COL2A1: variants seen among roughly 807,000 people sequenced by gnomAD.
COL2A1 encodes collagen alpha-1(II) chain.
In COL2A1, 28 loss-of-function variants were observed where a neutral mutation model predicts 204.5. The ratio of observed to expected loss-of-function variants is 0.14; its 90% CI spans 0.10 to 0.19. The LOEUF (loss-of-function observed/expected upper bound fraction) is 0.19, where lower values mean the gene tolerates loss of function less well. Ranked by LOEUF, COL2A1 falls within the 10% of genes least tolerant of loss-of-function variation. The pLI, the probability that COL2A1 is intolerant of heterozygous loss-of-function variation, is 1.00. For missense variants in COL2A1, 1,388 were observed against 2,027.5 expected, an observed-to-expected ratio of 0.68 and a Z score of 6.06; for synonymous variants, 708 against 718.7, an observed-to-expected ratio of 0.99 and a Z score of 0.24.
At position 47,993,599 on chromosome 12, in the gene COL2A1, C is replaced by G. The variant is rs1033878993; in HGVS notation, c.925-97G>C. ...GCCAAAAGCCCTGGTCATCTCAGCT[C>G]GCACTGACACAAACTTCAGTCCTGT... On this transcript the variant is annotated intron_variant, in intron 14 of 53. Transcript: ENST00000380518. 6 of 1,202,172 alleles carry G rather than the reference C, an allele frequency of 5.0e-6. No homozygotes were observed. In the African/African-American group the frequency reaches 6.0e-5, roughly 12 times the overall value. The allele number at this position is 1,202,172 out of a possible 1,614,324, so 74.5% of individuals were successfully genotyped here.
At position 47,983,398 on chromosome 12, in the gene COL2A1, T is replaced by A; in HGVS notation, c.2036A>T (p.Lys679Ile). 6.2e-7 allele frequency: 1 copy of A among 1,614,130 alleles called. No homozygotes were observed. Among genetic ancestry groups the A allele is most frequent in the Non-Finnish European group, 8.5e-7 (1 of 1,179,984 alleles). ...CCCCATACTCACCTGGTCACCTGGTTTTCCACCTTCACCTGGGGGACCAGG... is the reference window on the plus strand; with the variant it reads ...CCCCATACTCACCTGGTCACCTGGTATTCCACCTTCACCTGGGGGACCAGG... Reference protein sequence around the residue: ...GPPGPPGEGGKPGDQGVPGEA... With the variant: ...GPPGPPGEGGIPGDQGVPGEA... The change falls in exon 31 of 54, where the codon AAA (lysine) becomes ATA (isoleucine). Residue 679 changes from lysine (K) to isoleucine (I), a missense_variant. By Grantham distance (102) the Lys-to-Ile change is moderately radical (BLOSUM62 -3). This residue lies in a region of COL2A1 where 884 missense variants were observed against 1,415.8 expected (regional missense o/e 0.62). Coordinates refer to ENST00000380518, the MANE Select transcript of COL2A1 (RefSeq NM_001844.5).
intron 16 of COL2A1, among the ~76,000 whole-genome samples, chr12:47,992,335 G>A (rs545294412): frequency 2.0e-5 from 3 of 152,176 alleles, no homozygotes; most frequent in Non-Finnish European, 4.4e-5. Flanking sequence ...GTAAAATGGG[G>A]AGAAGAATAG....
In COL2A1 at chr12:47,979,669, C is replaced by T. The variant is rs73297165; in HGVS notation, c.2680-105G>A. 3.4e-3 allele frequency: 3,145 copies of T among 918,050 alleles called. 79 individuals are homozygous for T. In the African/African-American group the frequency reaches 0.046, roughly 13 times the overall value. 56.9% of individuals were successfully genotyped at this position (918,050 alleles called of 1,614,324 possible). On this transcript the variant is annotated intron_variant, in intron 40 of 53. Transcript: ENST00000380518. The stretch of plus-strand genomic sequence containing the variant: ...GTCTCAGAGCCTGGTATGGAAAGGG[C>T]GAGGGACTGCAAAGCAGCAAGGGGG...
At chr12:47,985,237 A>G in intron 26 of COL2A1, 144 bp from the exon 27 acceptor site, 4 of 745,186 alleles carry the variant, frequency 5.4e-6, no homozygotes, top group Non-Finnish European at 9.4e-6. Flanking sequence ...CATCACACCC[A>G]TGGGCCCATC....
chr12:47,994,529 G>C, intron 11 of COL2A1, 52 bp from the exon 12 acceptor site: 1 of 1,601,052 alleles, frequency 6.2e-7, no homozygotes, highest in South Asian at 1.1e-5. Flanking sequence ...CAGTAGCATA[G>C]TGGGGGCACC....
rs1485803764 is a variant in COL2A1 at position 47,983,153 on chromosome 12, A to T, written c.2050-16T>A. 1 of 1,612,728 alleles carries T rather than the reference A, an allele frequency of 6.2e-7. No homozygotes were observed. The highest frequency in any genetic ancestry group is 1.1e-5 in the South Asian group (1 of 90,750). On this transcript the variant is annotated splice_polypyrimidine_tract_variant and intron_variant, in intron 31 of 53. Transcript: ENST00000380518. Reference sequence around the variant, plus strand: ...CGGGAACACCCTGGAGAACAAAGAAAGATGTGTGAGAGTGAAGGCTTCATA... The same window carrying T: ...CGGGAACACCCTGGAGAACAAAGAATGATGTGTGAGAGTGAAGGCTTCATA...
chr12:47,973,327 A>G lies in COL2A1; in HGVS notation c.*80T>C. 6.3e-7 allele frequency: 1 copy of G among 1,584,914 alleles called. No individual in the cohort carries two copies. The highest frequency in any genetic ancestry group is 1.1e-5 in the South Asian group (1 of 90,512). On this transcript the variant is annotated 3_prime_UTR_variant, in exon 54 of 54. Coordinates refer to ENST00000380518, the MANE Select transcript of COL2A1 (RefSeq NM_001844.5). ...AGGTCAGGTCAGCCATTCAGTGCAG[A>G]GTCCTAGAGTGACTGAGATTGGAAA...
At chr12:47,990,366 C>T (rs1403221348) in intron 16 of COL2A1, among the ~76,000 whole-genome samples, 1 of 152,132 alleles carries the variant, frequency 6.6e-6, no homozygotes, top group Non-Finnish European at 1.5e-5. Flanking sequence ...CAGTTCAGAC[C>T]CCAAATATCC....
At chr12:47,996,287 T>C (rs1334137928) in intron 8 of COL2A1, among the ~76,000 whole-genome samples, 1 of 152,204 alleles carries the variant, frequency 6.6e-6, no homozygotes, top group Non-Finnish European at 1.5e-5. Context: ...CCAAGAGCAA[T>C]AGCAACTGGT....
chr12:47,999,383 A>G (rs1040154179), intron 2 of COL2A1, among the ~76,000 whole-genome samples: 1 of 152,152 alleles, frequency 6.6e-6, no homozygotes, highest in East Asian at 1.9e-4. Flanking sequence ...TTAATGGTCA[A>G]CTCCAAGAGA....
intron 16 of COL2A1, among the ~76,000 whole-genome samples, chr12:47,990,232 A>T (rs1592224993): frequency 6.6e-6 from 1 of 151,600 alleles, no homozygotes; most frequent in African/African-American, 2.4e-5. Context: ...CTGGTCTGGA[A>T]CTCCTGACCT....
chr12:47,989,784 G>C lies in COL2A1; in HGVS notation c.1045C>G (p.Gln349Glu), dbSNP rs779942376. ...ACCGGAGGCCCTGCGGGGCCTGGCT[G>C]ACCATCGTTGCCTCGGGCACCCTGT... Reference protein sequence around the residue: ...GAAGARGNDGQPGPAGPPGPV... With the variant: ...GAAGARGNDGEPGPAGPPGPV... The change falls in exon 17 of 54, where the codon CAG becomes GAG. Residue 349 changes from glutamine to glutamate, a missense_variant. Gln to Glu is a conservative substitution (Grantham distance 29). This residue lies in a region of COL2A1 where 884 missense variants were observed against 1,415.8 expected (regional missense o/e 0.62). Transcript: ENST00000380518. 2 of 1,613,492 alleles carry C rather than the reference G, an allele frequency of 1.2e-6. No homozygotes were observed. Among genetic ancestry groups the C allele is most frequent in the South Asian group, 2.2e-5 (2 of 91,074 alleles).
intron 41 of COL2A1, 36 bp downstream of exon 41, chr12:47,979,475 C>A (rs778490334): frequency 3.1e-6 from 5 of 1,611,620 alleles, no homozygotes; most frequent in Non-Finnish European, 4.2e-6. Flanking sequence ...CTATTCCATG[C>A]CTGCCTGTGC....
chr12:47,985,088 G>A lies in COL2A1; in HGVS notation c.1740C>T (p.Ala580=). The A allele has an allele frequency of 1.2e-6, 2 of 1,612,764 alleles. No individual in the cohort carries two copies. Among genetic ancestry groups the A allele is most frequent in the South Asian group, 1.1e-5 (1 of 90,916 alleles). Residue 580 remains alanine, a synonymous_variant, in exon 27 of 54, where the codon GCC becomes GCT. Transcript: ENST00000380518. The part of the protein sequence containing the change: ...GPQGKVGPSG[A]PGEDGRPGPP... ...GTCCAGGACGACCATCTTCACCAGG[G>A]GCTCCCTGAAAGACAGAACACCATT...
intron 30 of COL2A1, 112 bp downstream of exon 30, chr12:47,983,571 T>G: frequency 6.9e-7 from 1 of 1,446,500 alleles, no homozygotes; most frequent in East Asian, 2.4e-5. Flanking sequence ...GAAGGCTCGA[T>G]GCCTGGCACC....
chr12:47,988,386 C>T (rs1157603475), intron 18 of COL2A1: 1 of 155,892 alleles, frequency 6.4e-6, no homozygotes, highest in Non-Finnish European at 1.4e-5. Context: ...AAAATTACAA[C>T]CCACTCTAGA....
At chr12:47,984,457 G>A (rs1011601688) in intron 28 of COL2A1, 89 bp downstream of exon 28, 51 of 1,383,856 alleles carry the variant, frequency 3.7e-5, no homozygotes, top group Middle Eastern at 3.5e-4. Context: ...GAGGGGTCCC[G>A]GGACCATGCC....
Position 47,980,898 on chromosome 12 carries a change from T to C in COL2A1, c.2517+17A>G, listed in dbSNP as rs1469233337. On this transcript the variant is annotated intron_variant, in intron 38 of 53. Transcript: ENST00000380518. The surrounding 1 kb of genome is among the most constrained non-coding windows in gnomAD (Gnocchi z 4.5). ...GCCTGAGTGGAGGGACCCAGGAGGA[T>C]GGACAGAGATACTCACAGGAGGCCC... 2 of 1,552,158 alleles carry C rather than the reference T, an allele frequency of 1.3e-6. No individual in the cohort carries two copies. The highest frequency in any genetic ancestry group is 2.4e-5 in the East Asian group (1 of 40,926).
chr12:47,994,469 A>G lies in COL2A1; in HGVS notation c.771T>C (p.Ala257=). ...TTTCACCAGCTTTTCCAGGTTTTCC[A>G]GCTTCACCCTGAAGGGAGAGAGAGA... is the stretch of plus-strand genomic sequence containing the variant. ...PPGKPGDDGE[A]GKPGKAGERG... is the part of the protein sequence containing the mutation. The change falls in exon 12 of 54, where the codon GCT becomes GCC. Residue 257 remains alanine (A), a synonymous_variant. Transcript: ENST00000380518. The G allele has an allele frequency of 1.2e-6, 2 of 1,613,976 alleles. No homozygotes were observed. Among genetic ancestry groups the G allele is most frequent in the East Asian group, 2.2e-5 (1 of 44,878 alleles).
Sources: allele counts gnomAD v4.1 joint callset (sites outside exome capture counted in the v4.1 genomes callset), GRCh38; gene constraint gnomAD v4.1.1; regional missense constraint gnomAD v4.1.1; non-coding constraint Gnocchi (gnomAD v3.1); transcripts MANE v1.5; gene names NCBI Gene and HGNC (gene_info 2026-07-23, HGNC 2026-07-21).